The following PARN variants were observed in gnomAD, a reference collection of about 807,000 sequenced individuals.
The protein encoded by PARN is poly(A)-specific ribonuclease, also known as poly(A)-specific ribonuclease PARN.
A neutral mutation model predicts 102.8 loss-of-function variants in PARN; 71 were observed. The ratio of observed to expected loss-of-function variants is 0.69; its 90% CI spans 0.57 to 0.84. The LOEUF (loss-of-function observed/expected upper bound fraction) is 0.84. Ranked by LOEUF, PARN falls within the 40% of genes least tolerant of loss-of-function variation. PARN has a pLI of 0.00. For synonymous variants in PARN, 261 were observed against 252.9 expected, an observed-to-expected ratio of 1.03 and a Z score of -0.30; for missense variants, 782 against 760.9, an observed-to-expected ratio of 1.03 and a Z score of -0.33.
At chr16:14,608,364 T>A in intron 8 of PARN, 45 bp from the exon 9 acceptor site, 3 of 1,251,630 alleles carry the variant, frequency 2.4e-6, no homozygotes, top group Non-Finnish European at 3.4e-6. Flanking sequence ...TCATTAGAAG[T>A]AAATCCAAAC....
intron 22 of PARN, among the ~76,000 whole-genome samples, chr16:14,472,843 T>C (rs1283001371): frequency 2.0e-5 from 3 of 152,204 alleles, no homozygotes; most frequent in African/African-American, 7.2e-5. Context: ...TTTAATGACA[T>C]AGGAATACAC....
intron 13 of PARN, among the ~76,000 whole-genome samples, chr16:14,586,837 T>A (rs1969887819): frequency 6.6e-6 from 1 of 152,208 alleles, no homozygotes; most frequent in African/African-American, 2.4e-5. Context: ...GAGATCACCT[T>A]TGAAATGTTA....
chr16:14,593,467 T>C (rs1268611338), intron 12 of PARN, 89 bp from the exon 13 acceptor site: 2 of 408,514 alleles, frequency 4.9e-6, no homozygotes, highest in African/African-American at 2.3e-5. Context: ...CAAGAGGACT[T>C]TGTACTAAAC....
chr16:14,518,723 G>A (rs1181895151), intron 21 of PARN, among the ~76,000 whole-genome samples: 2 of 152,136 alleles, frequency 1.3e-5, no homozygotes, highest in Non-Finnish European at 2.9e-5. Context: ...GAGGAGACAG[G>A]AATTAAAATC....
intron 22 of PARN, among the ~76,000 whole-genome samples, chr16:14,452,067 TAAC>T (rs1440300997): frequency 2.0e-5 from 3 of 151,376 alleles, no homozygotes; most frequent in Non-Finnish European, 4.4e-5. Flanking sequence ...ACAACAACAA[TAAC>T]AACAACCACT....
intron 22 of PARN, among the ~76,000 whole-genome samples, chr16:14,456,736 T>C (rs1364972479): frequency 6.6e-6 from 1 of 151,916 alleles, no homozygotes; most frequent in African/African-American, 2.4e-5. Flanking sequence ...AAGTTCAATG[T>C]TCTTGGCACT....
chr16:14,625,723 T>C (rs1417045789), intron 5 of PARN, among the ~76,000 whole-genome samples: 40 of 152,214 alleles, frequency 2.6e-4, no homozygotes, highest in Non-Finnish European at 5.9e-5. Context: ...ACTGCCAGTT[T>C]TGAGAAAGAA....
chr16:14,553,066 G>A (rs1175141247), intron 20 of PARN, among the ~76,000 whole-genome samples: 2 of 151,606 alleles, frequency 1.3e-5, no homozygotes, highest in East Asian at 1.9e-4. Flanking sequence ...TATTATCAGT[G>A]CAGGAGGCAC....
intron 23 of PARN, among the ~76,000 whole-genome samples, chr16:14,440,861 G>A (rs532952251): frequency 6.6e-6 from 1 of 152,280 alleles, no homozygotes; most frequent in East Asian, 1.9e-4. Context: ...GGGGTTGGGG[G>A]AAGGATCAAC....
At chr16:14,464,586 T>A (rs553540393) in intron 22 of PARN, among the ~76,000 whole-genome samples, 1 of 151,868 alleles carries the variant, frequency 6.6e-6, no homozygotes, top group East Asian at 1.9e-4. Context: ...CAAAACCCCA[T>A]CTCTACTAAA....
At chr16:14,565,408 G>T (rs1349894946) in intron 18 of PARN, among the ~76,000 whole-genome samples, 1 of 146,182 alleles carries the variant, frequency 6.8e-6, no homozygotes. Flanking sequence ...TAGAAACAAA[G>T]GCAAAAAAAA....
At chr16:14,491,580 A>G (rs1046932915) in intron 21 of PARN, among the ~76,000 whole-genome samples, 1 of 152,036 alleles carries the variant, frequency 6.6e-6, no homozygotes, top group African/African-American at 2.4e-5. Flanking sequence ...CCTGGACAAC[A>G]TAGTGTGACC....
Position 14,501,865 on chromosome 16 carries a change from C to T in PARN, c.1481-19038G>A, listed in dbSNP as rs556999468. ...AAACACACACCCATTGGAGCCTGTT[C>T]TGTCACAACTCAAGCCAGAGTGCAG... On this transcript the variant is annotated intron_variant, in intron 21 of 23. Transcript: ENST00000437198. Among the ~76,000 whole-genome samples the T allele has an allele frequency of 1.1e-4, 17 of 152,362 alleles. No individual in the cohort carries two copies. In the South Asian group the frequency reaches 3.5e-3, roughly 32 times the overall value.
intron 21 of PARN, among the ~76,000 whole-genome samples, chr16:14,486,904 CA>C (rs929925280): frequency 6.6e-6 from 1 of 152,234 alleles, no homozygotes; most frequent in African/African-American, 2.4e-5. Context: ...TCGGTCTTGC[CA>C]CTTTGTGAAA....
In PARN at chr16:14,475,746, A is replaced by T. The variant is rs530696512; in HGVS notation, c.1670+6892T>A. 2.6e-5 allele frequency among the ~76,000 whole-genome samples: 4 copies of T among 152,336 alleles called. No individual in the cohort carries two copies. In the South Asian group the frequency reaches 8.3e-4, roughly 32 times the overall value. ...AGCAGTGCCTGTCTTCCTCTCGACC[A>T]TAGTGCCGCCCTCCAAATCTTAATC... On this transcript the variant is annotated intron_variant, in intron 22 of 23. Coordinates refer to ENST00000437198, the MANE Select transcript of PARN (RefSeq NM_002582.4).
At chr16:14,467,685 C>T (rs1330151856) in intron 22 of PARN, among the ~76,000 whole-genome samples, 1 of 152,216 alleles carries the variant, frequency 6.6e-6, no homozygotes, top group Non-Finnish European at 1.5e-5. Context: ...CATGTACATA[C>T]TCCTACCTTC....
chr16:14,587,103 T>C (rs1241507343), intron 13 of PARN, among the ~76,000 whole-genome samples: 3 of 152,222 alleles, frequency 2.0e-5, no homozygotes, highest in African/African-American at 7.2e-5. Context: ...CTCTTCAATG[T>C]TATTCATGCT....
rs542404196 is a variant in PARN at position 14,603,260 on chromosome 16, T to G, written c.783+886A>C. On this transcript the variant is annotated intron_variant, in intron 11 of 23. Coordinates refer to ENST00000437198, the MANE Select transcript of PARN (RefSeq NM_002582.4). The stretch of plus-strand genomic sequence containing the variant: ...GGCACCTTTTGTTTCTGCGTTGTCC[T>G]TTTTAGTATGTGGGACAGGGACCAC... Among the ~76,000 whole-genome samples the G allele has an allele frequency of 2.6e-5, 4 of 152,264 alleles. No homozygotes were observed. In the South Asian group the frequency reaches 8.3e-4, roughly 32 times the overall value.
chr16:14,563,252 C>T (rs1968187347), intron 18 of PARN, among the ~76,000 whole-genome samples: 1 of 152,294 alleles, frequency 6.6e-6, no homozygotes, highest in Admixed American at 6.5e-5. Flanking sequence ...AAACTGATGG[C>T]AGAGGAGGAG....
Sources: allele counts gnomAD v4.1 joint callset (sites outside exome capture counted in the v4.1 genomes callset), GRCh38; gene constraint gnomAD v4.1.1; transcripts MANE v1.5; gene names NCBI Gene and HGNC (gene_info 2026-07-23, HGNC 2026-07-21).